Variants in SPATA16 observed in about 807,000 individuals in gnomAD.
SPATA16 encodes the protein spermatogenesis-associated protein 16.
A neutral mutation model predicts 63.3 loss-of-function variants in SPATA16; 36 were observed. The observed-to-expected ratio is 0.57, with a 90% CI of 0.44 to 0.75. The LOEUF (loss-of-function observed/expected upper bound fraction) is 0.75, where lower values mean the gene tolerates loss of function less well. Ranked by LOEUF, SPATA16 falls within the 30% of genes least tolerant of loss-of-function variation. SPATA16 has a pLI of 0.00. For synonymous variants in SPATA16, 203 were observed against 216.7 expected (o/e 0.94, Z 0.56); for missense variants, 646 against 679.3 (o/e 0.95, Z 0.54).
intron 6 of SPATA16, among the ~76,000 whole-genome samples, chr3:172,949,584 T>A (rs1048252605): frequency 6.6e-6 from 1 of 152,164 alleles, no homozygotes; most frequent in African/African-American, 2.4e-5. Context: ...ACTATATTGT[T>A]GACAGAGAGG....
chr3:172,956,179 A>T (rs908338759), intron 6 of SPATA16, among the ~76,000 whole-genome samples: 3 of 152,134 alleles, frequency 2.0e-5, no homozygotes, highest in Admixed American at 6.6e-5. Flanking sequence ...GAAAAAACCT[A>T]ATACCAGTTG....
intron 1 of SPATA16, among the ~76,000 whole-genome samples, chr3:173,127,132 A>C (rs1379027829): frequency 6.6e-6 from 1 of 152,226 alleles, no homozygotes; most frequent in African/African-American, 2.4e-5. Context: ...TACCAATTTT[A>C]AACCTCTTGA....
At chr3:172,950,104 T>C (rs9856457) in intron 6 of SPATA16, among the ~76,000 whole-genome samples, 13,284 of 152,204 alleles carry the variant, frequency 0.087, 1,935 homozygotes, top group African/African-American at 0.3. Flanking sequence ...TAAATGCAAC[T>C]TGTCTGCCTT....
chr3:172,925,356 C>G lies in SPATA16; in HGVS notation c.1218G>C (p.Pro406=), dbSNP rs200413261. ...FLEKISSRKL[P]IFTEHKTPFG... is the part of the protein sequence containing the mutation. The stretch of plus-strand genomic sequence containing the variant: ...GTTCAGATGATTTACCTGTGAATAT[C>G]GGCAGCTTCCTGCTTGATATTTTTT... Residue 406 remains proline, a synonymous_variant, in exon 7 of 11, where the codon CCG becomes CCC. Coordinates refer to ENST00000351008, the MANE Select transcript of SPATA16 (RefSeq NM_031955.6). 6.2e-7 allele frequency: 1 copy of G among 1,613,640 alleles called. No homozygotes were observed. Among genetic ancestry groups the G allele is most frequent in the Non-Finnish European group, 8.5e-7 (1 of 1,179,872 alleles).
chr3:172,949,116 T>G (rs546958529), intron 6 of SPATA16, among the ~76,000 whole-genome samples: 1 of 152,304 alleles, frequency 6.6e-6, no homozygotes, highest in East Asian at 1.9e-4. Flanking sequence ...CTGGTCATGT[T>G]TTCTTTTTTG....
At chr3:173,094,501 C>A (rs79833265) in intron 2 of SPATA16, among the ~76,000 whole-genome samples, 1 of 151,986 alleles carries the variant, frequency 6.6e-6, no homozygotes, top group Non-Finnish European at 1.5e-5. Context: ...AGAGATTTCC[C>A]TAGGAAATAA....
chr3:172,914,474 G>T (rs970985185), intron 9 of SPATA16, among the ~76,000 whole-genome samples: 22 of 152,104 alleles, frequency 1.4e-4, no homozygotes, highest in Admixed American at 2.6e-4. Flanking sequence ...AAACAGTAAT[G>T]GACCTTAGAT....
chr3:173,110,009 A>G (rs1737710257), intron 2 of SPATA16, among the ~76,000 whole-genome samples: 2 of 140,960 alleles, frequency 1.4e-5, no homozygotes, highest in African/African-American at 5.9e-5. Context: ...GATTATAAAA[A>G]TGTATGTAAT....
At chr3:172,981,217 T>G (rs1399639062) in intron 4 of SPATA16, among the ~76,000 whole-genome samples, 1 of 152,132 alleles carries the variant, frequency 6.6e-6, no homozygotes, top group Admixed American at 6.5e-5. Context: ...ATCTGGTCCA[T>G]AATCTCTCAC....
rs762645231 is a variant in SPATA16 at position 172,889,656 on chromosome 3, C to T, written c.1624G>A (p.Asp542Asn). Reference sequence around the variant, plus strand: ...AGTTTTTTAGTTTTTAAGAAACTGTCCTCTAATTGGTATAGAAAATCTTCA... The same window carrying T: ...AGTTTTTTAGTTTTTAAGAAACTGTTCTCTAATTGGTATAGAAAATCTTCA... ...QIEDFLYQLE[D>N]SFLKTKKLRT... Residue 542 changes from aspartate to asparagine, a missense_variant, in exon 11 of 11, where the codon GAC becomes AAC. By Grantham distance (23) the Asp-to-Asn change is conservative. Coordinates refer to ENST00000351008, the MANE Select transcript of SPATA16 (RefSeq NM_031955.6). 8 of 1,613,496 alleles carry T rather than the reference C, an allele frequency of 5.0e-6. No individual in the cohort carries two copies. The highest frequency in any genetic ancestry group is 6.8e-6 in the Non-Finnish European group (8 of 1,179,768).
intron 3 of SPATA16, among the ~76,000 whole-genome samples, chr3:173,039,927 T>G (rs1735799193): frequency 6.6e-6 from 1 of 152,144 alleles, no homozygotes; most frequent in Non-Finnish European, 1.5e-5. Flanking sequence ...GATCCCTTTA[T>G]CACATCTTTT....
At chr3:173,051,254 G>A (rs1231430664) in intron 2 of SPATA16, among the ~76,000 whole-genome samples, 4 of 152,098 alleles carry the variant, frequency 2.6e-5, no homozygotes, top group Admixed American at 2.0e-4. Context: ...CCAGGCTGGA[G>A]TGTAGTGGCG....
At chr3:172,933,918 G>A (rs926355361) in intron 6 of SPATA16, among the ~76,000 whole-genome samples, 1 of 151,998 alleles carries the variant, frequency 6.6e-6, no homozygotes, top group Non-Finnish European at 1.5e-5. Context: ...TAGGAAGCAC[G>A]TTTTTCTTAT....
At chr3:173,120,106 G>C (rs1000551465) in intron 1 of SPATA16, among the ~76,000 whole-genome samples, 18 of 151,478 alleles carry the variant, frequency 1.2e-4, no homozygotes, top group African/African-American at 4.4e-4. Flanking sequence ...AAAAAAGAGA[G>C]AGAAAAAAAG....
At chr3:173,121,742 AT>A (rs1384275800) in intron 1 of SPATA16, among the ~76,000 whole-genome samples, 1 of 152,168 alleles carries the variant, frequency 6.6e-6, no homozygotes. Flanking sequence ...GAGAAACAAC[AT>A]TGGATTTTTT....
chr3:172,898,077 C>T (rs548504094), intron 10 of SPATA16, among the ~76,000 whole-genome samples: 2 of 152,078 alleles, frequency 1.3e-5, no homozygotes, highest in South Asian at 2.1e-4. Flanking sequence ...AATATTCAAA[C>T]ATTCTTGCAT....
intron 5 of SPATA16, among the ~76,000 whole-genome samples, chr3:172,970,828 A>G (rs1359235148): frequency 2.0e-5 from 3 of 152,204 alleles, no homozygotes; most frequent in Non-Finnish European, 2.9e-5. Context: ...GTTAAAGATA[A>G]AAAATATTTT....
chr3:173,058,723 G>C (rs1048864464), intron 2 of SPATA16, among the ~76,000 whole-genome samples: 7 of 151,772 alleles, frequency 4.6e-5, no homozygotes, highest in African/African-American at 1.5e-4. Flanking sequence ...TTTTACATTA[G>C]GCTGTTCTAA....
At chr3:173,082,356 G>C (rs150822497) in intron 2 of SPATA16, among the ~76,000 whole-genome samples, 1 of 152,286 alleles carries the variant, frequency 6.6e-6, no homozygotes, top group Non-Finnish European at 1.5e-5. Context: ...TTCTGTGCAG[G>C]AACATGACTG....
Sources: allele counts gnomAD v4.1 joint callset (sites outside exome capture counted in the v4.1 genomes callset), GRCh38; gene constraint gnomAD v4.1.1; transcripts MANE v1.5; gene names NCBI Gene and HGNC (gene_info 2026-07-23, HGNC 2026-07-21).